Variants in EPHA10 observed in about 807,000 individuals in gnomAD.
The protein encoded by EPHA10 is ephrin type-A receptor 10.
Under a neutral mutation model 109.7 loss-of-function variants are expected in EPHA10, and 120 were observed. The ratio of observed to expected loss-of-function variants is 1.09; its 90% confidence interval spans 0.94 to 1.27. The LOEUF (loss-of-function observed/expected upper bound fraction) is 1.27, where lower values mean the gene tolerates loss of function less well. EPHA10 is among the 50% of genes most tolerant of loss of function. EPHA10 has a pLI of 0.00. For missense variants in EPHA10, 1,396 were observed against 1,411.1 expected (o/e 0.99, Z 0.17); for synonymous variants, 640 against 618.9 (o/e 1.03, Z -0.51).
At chr1:37,726,871 G>A (rs921627803) in intron 8 of EPHA10, among the ~76,000 whole-genome samples, 3 of 152,224 alleles carry the variant, frequency 2.0e-5, no homozygotes, top group Admixed American at 6.5e-5. Context: ...GAGTTAAGGC[G>A]CTAAATCCCC....
chr1:37,734,290 T>G (rs145303080), intron 6 of EPHA10, among the ~76,000 whole-genome samples: 1 of 152,088 alleles, frequency 6.6e-6, no homozygotes, highest in Admixed American at 6.6e-5. Flanking sequence ...TCCCAGCACT[T>G]TGGGAGGCTA....
In EPHA10 at chr1:37,736,850, T is replaced by C. The variant is rs1265654900; in HGVS notation, c.1358-1460A>G. Among the ~76,000 whole-genome samples, 5 of 152,176 alleles carry C rather than the reference T, an allele frequency of 3.3e-5. No individual in the cohort carries two copies. In the East Asian group the frequency reaches 9.6e-4, roughly 29 times the overall value. ...ATTAGGAAAACAATCCCACTTACGA[T>C]AGCATCAAAAATAATAAAATACTTA... On this transcript the variant is annotated intron_variant, in intron 5 of 16. Transcript: ENST00000373048.
intron 5 of EPHA10, among the ~76,000 whole-genome samples, chr1:37,739,534 C>T (rs1217635252): frequency 6.6e-6 from 1 of 151,748 alleles, no homozygotes; most frequent in Non-Finnish European, 1.5e-5. Context: ...ACTAAAATTA[C>T]AGAAATTAAC....
intron 11 of EPHA10, 51 bp downstream of exon 11, chr1:37,721,609 C>T (rs1019261537): frequency 1.1e-5 from 16 of 1,518,214 alleles, no homozygotes; most frequent in Non-Finnish European, 1.3e-5. Context: ...CCATCATTTC[C>T]ACCCCCCATA....
intron 10 of EPHA10, chr1:37,722,325 C>G (rs1260054352): frequency 4.3e-6 from 1 of 230,052 alleles, no homozygotes. Flanking sequence ...CATATGCCAG[C>G]ACGCCGACTG....
At chr1:37,743,717 C>T (rs1646189414) in intron 5 of EPHA10, among the ~76,000 whole-genome samples, 1 of 152,072 alleles carries the variant, frequency 6.6e-6, no homozygotes, top group African/African-American at 2.4e-5. Flanking sequence ...GTGATTTCGC[C>T]CACCTGTAGG....
chr1:37,742,045 T>C (rs1002631674), intron 5 of EPHA10, among the ~76,000 whole-genome samples: 2 of 152,202 alleles, frequency 1.3e-5, no homozygotes, highest in Non-Finnish European at 2.9e-5. Flanking sequence ...AAGCATCAGA[T>C]GGCCAGGATA....
chr1:37,746,155 C>CAA (rs1250701678), intron 5 of EPHA10, among the ~76,000 whole-genome samples: 1 of 144,084 alleles, frequency 6.9e-6, no homozygotes, highest in African/African-American at 2.6e-5. Context: ...TGTTGGAACG[C>CAA]AATGGCACGA....
intron 7 of EPHA10, among the ~76,000 whole-genome samples, chr1:37,727,964 G>A (rs558863631): frequency 6.6e-6 from 1 of 152,206 alleles, no homozygotes; most frequent in African/African-American, 2.4e-5. Context: ...AGAGAGGGGT[G>A]AATGGGCCTA....
rs568323871 is a variant in EPHA10, at chr1:37,752,886, G to A, written c.1347C>T (p.Thr449=). Reference sequence around the variant, plus strand: ...CGCGGACGGCCTTACCCCCGGGCCCGGTGGAGACGGTGACCTGCGCGTAGG... The same window carrying A: ...CGCGGACGGCCTTACCCCCGGGCCCAGTGGAGACGGTGACCTGCGCGTAGG... The part of the protein sequence containing the change: ...GTTYAQVTVS[T]GPGAPWEEDE... The change falls in exon 5 of 17, where the codon ACC becomes ACT. Residue 449 remains threonine (T), a synonymous_variant. Transcript: ENST00000373048. 9 of 1,297,396 alleles carry A rather than the reference G, an allele frequency of 6.9e-6. No individual in the cohort carries two copies. Among genetic ancestry groups the A allele is most frequent in the Admixed American group, 8.2e-5 (2 of 24,316 alleles). The allele number at this position is 1,297,396 out of a possible 1,614,324, so 80.4% of individuals were successfully genotyped here.
rs747201808 is a variant in EPHA10 at position 37,761,667 on chromosome 1, G to A, written c.588C>T (p.Gly196=). Reference sequence around the variant, plus strand: ...GCACCGAGACAAGCGCCACGCATGCGCCCACGTCCTGAAAGGCCAGGTGGA... The same window carrying A: ...GCACCGAGACAAGCGCCACGCATGCACCCACGTCCTGAAAGGCCAGGTGGA... ...RGFHLAFQDV[G]ACVALVSVRV... Residue 196 remains glycine, a synonymous_variant, in exon 3 of 17, where the codon GGC becomes GGT. Coordinates refer to ENST00000373048, the MANE Select transcript of EPHA10 (RefSeq NM_001099439.2). The A allele has an allele frequency of 2.5e-6, 4 of 1,609,986 alleles. No homozygotes were observed. Among genetic ancestry groups the A allele is most frequent in the East Asian group, 4.5e-5 (2 of 44,844 alleles).
At chr1:37,762,935 AT>A (rs1646446412) in intron 1 of EPHA10, 86 bp from the exon 2 acceptor site, 3 of 1,297,370 alleles carry the variant, frequency 2.3e-6, no homozygotes, top group Middle Eastern at 1.9e-4. Context: ...GTCCCTGTAA[AT>A]TTGCTGAGAG....
chr1:37,715,072 C>T (rs1645672871), downstream of EPHA10: 1 of 152,260 alleles, frequency 6.6e-6, no homozygotes. Flanking sequence ...CTCTGTCACC[C>T]AGGCTGGAGT....
intron 10 of EPHA10, chr1:37,722,361 T>C: frequency 4.4e-6 from 1 of 229,756 alleles, no homozygotes; most frequent in South Asian, 5.4e-5. Context: ...TGACCCAGGA[T>C]GGATGACAAT....
At chr1:37,739,141 A>G (rs1239501243) in intron 5 of EPHA10, among the ~76,000 whole-genome samples, 2 of 151,914 alleles carry the variant, frequency 1.3e-5, no homozygotes, top group Non-Finnish European at 2.9e-5. Flanking sequence ...CCTAGAACTT[A>G]AAGTATAATA....
chr1:37,726,930 C>G (rs1645900930), intron 8 of EPHA10, among the ~76,000 whole-genome samples, 172 bp downstream of exon 8: 2 of 152,236 alleles, frequency 1.3e-5, no homozygotes, highest in Admixed American at 6.5e-5. Context: ...GCCACATGAA[C>G]AGTGAGCTGG....
chr1:37,745,281 T>G (rs932772254), intron 5 of EPHA10, among the ~76,000 whole-genome samples: 9 of 152,152 alleles, frequency 5.9e-5, no homozygotes, highest in African/African-American at 2.2e-4. Flanking sequence ...CAGGAAAAGA[T>G]GTTCAATATC....
chr1:37,727,054 C>A lies in EPHA10; in HGVS notation c.1772+48G>T, dbSNP rs143187613. 1.4e-5 allele frequency: 21 copies of A among 1,468,884 alleles called. No homozygotes were observed. The African/African-American group carries it at 2.0e-4, about 14-fold the overall frequency. 91.0% of individuals were successfully genotyped at this position (1,468,884 alleles called of 1,614,324 possible). ...GCCTGTGAGCACACATTAATGTGCA[C>A]GGGACATGACCCACCAGGAGTCACC... On this transcript the variant is annotated intron_variant, in intron 8 of 16. Transcript: ENST00000373048.
At position 37,761,807 on chromosome 1, in the gene EPHA10, G is replaced by C; in HGVS notation, c.448C>G (p.Arg150Gly). 1.2e-6 allele frequency: 2 copies of C among 1,613,648 alleles called. No individual in the cohort carries two copies. Among genetic ancestry groups the C allele is most frequent in the African/African-American group, 1.3e-5 (1 of 75,050 alleles). The change falls in exon 3 of 17, where the codon CGC becomes GGC. Residue 150 changes from arginine (R) to glycine (G), a missense_variant. Arg to Gly is a moderately radical substitution (Grantham distance 125). Transcript: ENST00000373048. Reference sequence around the variant, plus strand: ...TCCGCCGCGATCGTGTCGATTTTGCGGGGCCGGCTGCCGCCTAGGCGGGGA... The same window carrying C: ...TCCGCCGCGATCGTGTCGATTTTGCCGGGCCGGCTGCCGCCTAGGCGGGGA... ...GRPRLGGSRP[R>G]KIDTIAADES...
Sources: allele counts gnomAD v4.1 joint callset (sites outside exome capture counted in the v4.1 genomes callset), GRCh38; gene constraint gnomAD v4.1.1; transcripts MANE v1.5; gene names NCBI Gene and HGNC (gene_info 2026-07-23, HGNC 2026-07-21).